Variants in DST observed in about 807,000 individuals in gnomAD.
DST encodes the protein bullous pemphigoid antigen.
DST carries 253 observed loss-of-function variants against 875.2 expected under a neutral mutation model. That is an observed-to-expected ratio of 0.29 (90% CI 0.26 to 0.32). DST has a LOEUF of 0.32. Among genes scored for constraint, DST ranks in the 10% least tolerant of loss-of-function variants. The pLI, the probability that DST is intolerant of heterozygous loss-of-function variation, is 1.00. For missense variants in DST, 8,287 were observed against 9,111.6 expected (o/e 0.91, Z 3.68); for synonymous variants, 3,124 against 3,197.1 (o/e 0.98, Z 0.77).
chr6:56,770,708 GA>G (rs1477178949), intron 4 of DST, among the ~76,000 whole-genome samples: 1 of 152,092 alleles, frequency 6.6e-6, no homozygotes, highest in Admixed American at 6.6e-5. Context: ...CTTTAAAAAT[GA>G]AAACAAAGGG....
At chr6:56,910,475 A>G (rs190744067) in intron 2 of DST, among the ~76,000 whole-genome samples, 1 of 151,490 alleles carries the variant, frequency 6.6e-6, no homozygotes, top group African/African-American at 2.4e-5. Context: ...CATTTATTTT[A>G]TTTTATTTTA....
chr6:56,615,135 C>T lies in DST; in HGVS notation c.4930-651G>A, dbSNP rs116219382. On this transcript the variant is annotated intron_variant, in intron 36 of 103. Coordinates refer to ENST00000680361, the MANE Select transcript of DST (RefSeq NM_001374736.1). ...TCTTTGATTCCATGGTGCTTCATGA[C>T]GTGCTCTTTCAGCGAGTGCAATTTA... is the stretch of plus-strand genomic sequence containing the variant. 2,884 of 1,062,412 alleles carry T rather than the reference C, an allele frequency of 2.7e-3. 7 individuals carry two copies. Among genetic ancestry groups the T allele is most frequent in the Non-Finnish European group, 3.1e-3 (2,747 of 877,326 alleles). 65.8% of individuals were successfully genotyped at this position (1,062,412 alleles called of 1,614,324 possible). A position where few individuals can be genotyped will look rare whatever the true frequency, so the allele number is the denominator to read the frequency against.
At chr6:56,619,222 T>A (rs1435451010) in intron 36 of DST, 1 of 1,613,848 alleles carries the variant, frequency 6.2e-7, no homozygotes, top group Admixed American at 1.7e-5. Flanking sequence ...GGATAGTTTG[T>A]TTCTCTAAAA....
chr6:56,620,153 A>G (rs1181405631), intron 36 of DST: 12 of 1,613,266 alleles, frequency 7.4e-6, no homozygotes, highest in Non-Finnish European at 1.0e-5. Context: ...GTCTTTTTCC[A>G]TCTGCTTTAT....
chr6:56,614,545 G>A lies in DST; in HGVS notation c.4930-61C>T, dbSNP rs939239923. 49 of 1,461,006 alleles carry A rather than the reference G, an allele frequency of 3.4e-5. 1 individual carries two copies. Among genetic ancestry groups the A allele is most frequent in the Non-Finnish European group, 3.9e-5 (43 of 1,107,422 alleles). The allele number at this position is 1,461,006 out of a possible 1,614,324, so 90.5% of individuals were successfully genotyped here. A position where few individuals can be genotyped will look rare whatever the true frequency, so the allele number is the denominator to read the frequency against. On this transcript the variant is annotated intron_variant, in intron 36 of 103. Transcript: ENST00000680361. ...CATTAAATGACTTAGCTATTAAACT[G>A]ACCTCTCCATAGCAAACAAGAATGT...
At chr6:56,463,181 A>C (rs551923109) in intron 101 of DST, 25 bp from the exon 102 acceptor site, 36 of 1,383,166 alleles carry the variant, frequency 2.6e-5, no homozygotes, top group Non-Finnish European at 3.6e-5. Context: ...GGCAAATCAA[A>C]TGAAAAGGAT....
Position 56,606,011 on chromosome 6 carries a change from G to C in DST, c.8617C>G (p.Gln2873Glu). 1 of 1,612,564 alleles carries C rather than the reference G, an allele frequency of 6.2e-7. No homozygotes were observed. The highest frequency in any genetic ancestry group is 8.5e-7 in the Non-Finnish European group (1 of 1,179,070). The change falls in exon 40 of 104, where the codon CAA becomes GAA. Residue 2873 changes from glutamine (Q) to glutamate (E), a missense_variant. Physicochemically the swap from Gln to Glu is conservative, Grantham distance 29 (BLOSUM62 2). Around this residue, in one of 10 missense-constraint regions of DST, gnomAD observed 3,138 missense variants for 3,116.6 expected, o/e 1.01. Transcript: ENST00000680361. Reference protein sequence around the residue: ...MHSCSSLEKQQRVNVVQLASP... With the variant: ...MHSCSSLEKQERVNVVQLASP... ...GCTAGCTGTACAACATTTACCCTTT[G>C]CTGTTTTTCTAAAGAGCTACAACTG...
chr6:56,621,791 C>T (rs890134492), intron 36 of DST, among the ~76,000 whole-genome samples: 4 of 152,084 alleles, frequency 2.6e-5, no homozygotes, highest in African/African-American at 9.7e-5. Context: ...ATAATTTAAA[C>T]AGGAATACAG....
intron 36 of DST, among the ~76,000 whole-genome samples, chr6:56,623,862 T>TTAAATATATGATTTA (rs2098710926): frequency 6.6e-6 from 1 of 152,090 alleles, no homozygotes; most frequent in Non-Finnish European, 1.5e-5. Context: ...TATATGATTT[T>TTAAATATATGATTTA]TAAATATATG....
At position 56,459,217 on chromosome 6, in the gene DST, C is replaced by T. The variant is rs1223411030; in HGVS notation, c.23245G>A (p.Gly7749Ser). 6.2e-7 allele frequency: 1 copy of T among 1,613,532 alleles called. No individual in the cohort carries two copies. Among genetic ancestry groups the T allele is most frequent in the South Asian group, 1.1e-5 (1 of 90,980 alleles). ...CCTCGGCGGCTGCTGGCCCTGCTGC[C>T]AGCTTTGCTTCCAGCTCGACTTCCT... is the stretch of plus-strand genomic sequence containing the variant. Reference protein sequence around the residue: ...RPGSRAGSKAGSRASSRRGSD... With the variant: ...RPGSRAGSKASSRASSRRGSD... Residue 7749 changes from glycine (G) to serine (S), a missense_variant, in exon 104 of 104, where the codon GGC becomes AGC. Around this residue, in one of 10 missense-constraint regions of DST, gnomAD observed 240 missense variants for 237.3 expected, o/e 1.01. Transcript: ENST00000680361.
chr6:56,556,893 T>C (rs1386788754), intron 59 of DST, among the ~76,000 whole-genome samples: 1 of 152,202 alleles, frequency 6.6e-6, no homozygotes, highest in African/African-American at 2.4e-5. Flanking sequence ...CTCAAATGCA[T>C]GAGTTTTACA....
At position 56,900,641 on chromosome 6, in the gene DST, C is replaced by A. The variant is rs747832794; in HGVS notation, c.217-20G>T. 3.0e-5 allele frequency: 41 copies of A among 1,363,488 alleles called. No individual in the cohort carries two copies. The highest frequency in any genetic ancestry group is 4.0e-5 in the Non-Finnish European group (41 of 1,019,906). 84.5% of individuals were successfully genotyped at this position (1,363,488 alleles called of 1,614,324 possible). A position where few individuals can be genotyped will look rare whatever the true frequency, so the allele number is the denominator to read the frequency against. On this transcript the variant is annotated intron_variant, in intron 2 of 103. Transcript: ENST00000680361. ...GAATCCCTGTGGCAGAAAACACAAC[C>A]AAGCAAATCCAGATTTGTATTGAGT...
chr6:56,485,064 T>C, intron 88 of DST: 1 of 399,932 alleles, frequency 2.5e-6, no homozygotes, highest in Non-Finnish European at 4.4e-6. Flanking sequence ...CTTTCCAAGT[T>C]CTAAAAAGGT....
intron 47 of DST, among the ~76,000 whole-genome samples, chr6:56,595,783 C>T (rs904623258): frequency 1.5e-5 from 2 of 135,200 alleles, no homozygotes; most frequent in African/African-American, 3.9e-5. Context: ...TATGCTACCC[C>T]CACCCCACCC....
rs140330062 is a variant in DST, at chr6:56,675,751, C to A, written c.1048-4944G>T. Among the ~76,000 whole-genome samples the A allele has an allele frequency of 9.9e-3, 1,510 of 152,194 alleles. 24 individuals carry two copies. Among genetic ancestry groups the A allele is most frequent in the African/African-American group, 0.034 (1,417 of 41,530 alleles). Reference sequence around the variant, plus strand: ...CCTGTAATCCCAGCTACTCGGGAGGCTGAGGTAGGGGAACCACTTGAACCC... The same window carrying A: ...CCTGTAATCCCAGCTACTCGGGAGGATGAGGTAGGGGAACCACTTGAACCC... On this transcript the variant is annotated intron_variant, in intron 9 of 103. Coordinates refer to ENST00000680361, the MANE Select transcript of DST (RefSeq NM_001374736.1).
At chr6:56,521,591 C>A in intron 69 of DST, among the ~76,000 whole-genome samples, 1 of 98,084 alleles carries the variant, frequency 1.0e-5, no homozygotes. Flanking sequence ...CAAACATTTG[C>A]TCTGCTAAGG....
intron 8 of DST, 41 bp from the exon 9 acceptor site, chr6:56,699,786 CA>C (rs1455974175): frequency 1.1e-6 from 1 of 888,758 alleles, no homozygotes; most frequent in African/African-American, 1.8e-5. Flanking sequence ...AACTGTTTAT[CA>C]AACCTGAACC....
intron 2 of DST, among the ~76,000 whole-genome samples, chr6:56,945,089 T>C (rs1420998952): frequency 2.0e-5 from 3 of 152,260 alleles, no homozygotes; most frequent in African/African-American, 7.2e-5. Flanking sequence ...TCTCTAGCCT[T>C]CTTGTTATGA....
intron 4 of DST, among the ~76,000 whole-genome samples, chr6:56,850,425 A>C (rs1471083998): frequency 3.3e-5 from 5 of 151,740 alleles, no homozygotes; most frequent in South Asian, 4.2e-4. Flanking sequence ...AAAAAAAAAA[A>C]AACAACTGTG....
Sources: gnomAD v4.1 joint callset for allele counts (sites outside exome capture counted in the v4.1 genomes callset) on GRCh38, gnomAD v4.1.1 for gene constraint, gnomAD v4.1.1 regional missense constraint, MANE v1.5 for transcripts, NCBI Gene and HGNC (gene_info 2026-07-23, HGNC 2026-07-21) for gene names.